WDR31: variants seen among roughly 807,000 people sequenced by gnomAD.
WDR31 encodes the protein WD repeat-containing protein 31.
A neutral mutation model predicts 47.3 loss-of-function variants in WDR31; 30 were observed. The ratio of observed to expected loss-of-function variants is 0.63; its 90% confidence interval spans 0.47 to 0.86. WDR31 has a LOEUF of 0.86. WDR31 is among the 40% of genes least tolerant of loss of function. The pLI is 0.00. For synonymous variants in WDR31, 137 were observed against 159.4 expected (o/e 0.86, Z 1.06); for missense variants, 406 against 442.9 (o/e 0.92, Z 0.75).
In WDR31 at chr9:113,331,980, T is replaced by G; in HGVS notation, c.43A>C (p.Lys15Gln). The G allele has an allele frequency of 6.2e-7, 1 of 1,614,048 alleles. No individual in the cohort carries two copies. Among genetic ancestry groups the G allele is most frequent in the Non-Finnish European group, 8.5e-7 (1 of 1,179,908 alleles). ...ACGACACAAAACCTAAACGAAACCT[T>G]CTGTGGAGGAGCTTGTTTCAGTTGG... Reference protein sequence around the residue: ...RCQLKQAPPQKVSFRFCVVMG... With the variant: ...RCQLKQAPPQQVSFRFCVVMG... The change falls in exon 3 of 11, where the codon AAG becomes CAG. Residue 15 changes from lysine (K) to glutamine (Q), a missense_variant. Physicochemically the swap from Lys to Gln is moderately conservative, Grantham distance 53. Coordinates refer to ENST00000374193, the MANE Select transcript of WDR31 (RefSeq NM_001012361.4).
Position 113,323,113 on chromosome 9 carries a change from G to A in WDR31, c.367C>T (p.Arg123Cys), listed in dbSNP as rs756404364. ...PKSSQFFSAS[R>C]DRMVMMWDLH... ...TCCCACATCATGACCATCCTGTCAC[G>A]AGAGGCACTGAAGAACTGGCTGGAT... The change falls in exon 6 of 11, where the codon CGT (arginine) becomes TGT (cysteine). Residue 123 changes from arginine to cysteine, a missense_variant. Arg to Cys is a radical substitution (Grantham distance 180). Transcript: ENST00000374193. 18 of 1,614,040 alleles carry A rather than the reference G, an allele frequency of 1.1e-5. 1 individual carries two copies. Among genetic ancestry groups the A allele is most frequent in the Admixed American group, 3.3e-5 (2 of 59,992 alleles).
intron 5 of WDR31, among the ~76,000 whole-genome samples, chr9:113,324,836 GT>G (rs1564303321): frequency 4.8e-4 from 27 of 56,646 alleles, no homozygotes; most frequent in African/African-American, 1.6e-3. Flanking sequence ...ATATGTGTGT[GT>G]GTGTGTGTGT....
chr9:113,314,267 T>A lies in WDR31; in HGVS notation c.*2482A>T, dbSNP rs569472678. On this transcript the variant is annotated 3_prime_UTR_variant, in exon 11 of 11. Transcript: ENST00000374193. ...TCTCTCTCTGTTGCCTAGGCTGGAG[T>A]GCAATGGCACAATCTCAGCTCACTG... 3 of 151,228 alleles carry A rather than the reference T, an allele frequency of 2.0e-5. No homozygotes were observed. The East Asian group carries it at 5.9e-4, about 30-fold the overall frequency. 9.4% of individuals were successfully genotyped at this position (151,228 alleles called of 1,614,324 possible).
At chr9:113,321,464 C>A in intron 8 of WDR31, 47 bp downstream of exon 8, 2 of 1,590,950 alleles carry the variant, frequency 1.3e-6, no homozygotes, top group Non-Finnish European at 1.7e-6. Context: ...TGCATGGGAG[C>A]CACAAACCTC....
rs1394294290 is a variant in WDR31, at chr9:113,316,569, C to T, written c.*180G>A. 2 of 701,958 alleles carry T rather than the reference C, an allele frequency of 2.8e-6. No homozygotes were observed. The highest frequency in any genetic ancestry group is 2.4e-5 in the South Asian group (1 of 41,930). The allele number at this position is 701,958 out of a possible 1,614,324, so 43.5% of individuals were successfully genotyped here. On this transcript the variant is annotated 3_prime_UTR_variant, in exon 11 of 11. Coordinates refer to ENST00000374193, the MANE Select transcript of WDR31 (RefSeq NM_001012361.4). Reference sequence around the variant, plus strand: ...GTAGTCCATGTTTCTGGACTCTATACCTGATTTTGAATCACTGGACTTAAA... The same window carrying T: ...GTAGTCCATGTTTCTGGACTCTATATCTGATTTTGAATCACTGGACTTAAA...
rs979419200 is a variant in WDR31 at position 113,315,193 on chromosome 9, C to T, written c.*1556G>A. ...ACTTGAGCCCAGGAGTTTTAGACCACACAAACACACAAAAAATTAGCCAGG... is the reference window on the plus strand; with the variant it reads ...ACTTGAGCCCAGGAGTTTTAGACCATACAAACACACAAAAAATTAGCCAGG... On this transcript the variant is annotated 3_prime_UTR_variant, in exon 11 of 11. Coordinates refer to ENST00000374193, the MANE Select transcript of WDR31 (RefSeq NM_001012361.4). 1 of 151,728 alleles carries T rather than the reference C, an allele frequency of 6.6e-6. No homozygotes were observed. Among genetic ancestry groups the T allele is most frequent in the Non-Finnish European group, 1.5e-5 (1 of 68,016 alleles). 9.4% of individuals were successfully genotyped at this position (151,728 alleles called of 1,614,324 possible). A position where few individuals can be genotyped will look rare whatever the true frequency, so the allele number is the denominator to read the frequency against.
intron 1 of WDR31, among the ~76,000 whole-genome samples, chr9:113,337,979 C>G (rs949227906): frequency 5.9e-5 from 9 of 152,138 alleles, no homozygotes; most frequent in Non-Finnish European, 1.2e-4. Flanking sequence ...AAATAAGTGG[C>G]AGAGCTGAAA....
At chr9:113,320,553 C>T in intron 8 of WDR31, 55 bp from the exon 9 acceptor site, 2 of 1,575,172 alleles carry the variant, frequency 1.3e-6, no homozygotes, top group Non-Finnish European at 1.7e-6. Flanking sequence ...TGAAATACAC[C>T]CGTATTGTCC....
intron 9 of WDR31, among the ~76,000 whole-genome samples, chr9:113,319,437 T>G (rs1833279149): frequency 6.6e-6 from 1 of 152,192 alleles, no homozygotes; most frequent in Non-Finnish European, 1.5e-5. Context: ...ATGCCTCTAT[T>G]TCCTTGTCTG....
At chr9:113,317,728 G>A (rs1415952133) in intron 10 of WDR31, among the ~76,000 whole-genome samples, 1 of 152,244 alleles carries the variant, frequency 6.6e-6, no homozygotes, top group East Asian at 1.9e-4. Context: ...AGTTCTTTAA[G>A]GCAATGCTGT....
At position 113,313,683 on chromosome 9, in the gene WDR31, T is replaced by C. The variant is rs1487786791; in HGVS notation, c.*3066A>G. 6.6e-6 allele frequency: 1 copy of C among 152,148 alleles called. No individual in the cohort carries two copies. The highest frequency in any genetic ancestry group is 1.5e-5 in the Non-Finnish European group (1 of 68,028). The allele number at this position is 152,148 out of a possible 1,614,324, so 9.4% of individuals were successfully genotyped here. A position where few individuals can be genotyped will look rare whatever the true frequency, so the allele number is the denominator to read the frequency against. ...TTCTAGCCCTCAGCTTCCTCATCTG[T>C]GAAATGGAAATCACAATACAGAGAA... On this transcript the variant is annotated 3_prime_UTR_variant, in exon 11 of 11. Transcript: ENST00000374193.
In WDR31 at chr9:113,316,570, C is replaced by T. The variant is rs1052179387; in HGVS notation, c.*179G>A. Reference sequence around the variant, plus strand: ...TAGTCCATGTTTCTGGACTCTATACCTGATTTTGAATCACTGGACTTAAAT... The same window carrying T: ...TAGTCCATGTTTCTGGACTCTATACTTGATTTTGAATCACTGGACTTAAAT... On this transcript the variant is annotated 3_prime_UTR_variant, in exon 11 of 11. Transcript: ENST00000374193. The T allele has an allele frequency of 1.4e-6, 1 of 712,140 alleles. No homozygotes were observed. The allele number at this position is 712,140 out of a possible 1,614,324, so 44.1% of individuals were successfully genotyped here.
chr9:113,317,660 T>G (rs1482934597), intron 10 of WDR31, among the ~76,000 whole-genome samples: 1 of 152,240 alleles, frequency 6.6e-6, no homozygotes, highest in Non-Finnish European at 1.5e-5. Flanking sequence ...GGAACTACCC[T>G]GTCTCCCTTG....
At chr9:113,321,819 C>T (rs531879419) in intron 7 of WDR31, among the ~76,000 whole-genome samples, 1 of 152,232 alleles carries the variant, frequency 6.6e-6, no homozygotes, top group East Asian at 1.9e-4. Flanking sequence ...CATGCAGGCA[C>T]CCTAAGAGTG....
intron 8 of WDR31, among the ~76,000 whole-genome samples, chr9:113,321,080 G>A (rs1833316311): frequency 6.6e-6 from 1 of 152,126 alleles, no homozygotes; most frequent in Admixed American, 6.5e-5. Flanking sequence ...TGGCTTTACT[G>A]ACTCCCCTGA....
chr9:113,326,722 C>T (rs113788584), intron 5 of WDR31, among the ~76,000 whole-genome samples: 3,377 of 152,218 alleles, frequency 0.022, 131 homozygotes, highest in African/African-American at 0.077. Flanking sequence ...AATCCTCCTA[C>T]CTCAGCTTCC....
intron 2 of WDR31, among the ~76,000 whole-genome samples, chr9:113,333,605 T>C (rs1158430871): frequency 6.6e-6 from 1 of 151,132 alleles, no homozygotes; most frequent in Non-Finnish European, 1.5e-5. Flanking sequence ...ATGGTCTCGA[T>C]CTCCTGACCT....
At chr9:113,338,907 C>T (rs1833771702) in intron 1 of WDR31, among the ~76,000 whole-genome samples, 1 of 152,164 alleles carries the variant, frequency 6.6e-6, no homozygotes, top group African/African-American at 2.4e-5. Context: ...TGTGAGCCAC[C>T]GTGCCCGGCC....
chr9:113,329,283 TA>T (rs1833542237), intron 4 of WDR31, among the ~76,000 whole-genome samples: 1 of 152,142 alleles, frequency 6.6e-6, no homozygotes, highest in Non-Finnish European at 1.5e-5. Flanking sequence ...GAATTCCACA[TA>T]AGGTTAGATT....
Sources: gnomAD v4.1 joint callset for allele counts (sites outside exome capture counted in the v4.1 genomes callset) on GRCh38, gnomAD v4.1.1 for gene constraint, MANE v1.5 for transcripts, NCBI Gene and HGNC (gene_info 2026-07-23, HGNC 2026-07-21) for gene names.